Variants in COL4A5 observed in about 807,000 individuals in gnomAD.
COL4A5 encodes the protein collagen type IV alpha 5 chain.
A neutral mutation model predicts 130.2 loss-of-function variants in COL4A5; 26 were observed. The observed-to-expected ratio is 0.20, with a 90% CI of 0.15 to 0.28. COL4A5 has a LOEUF of 0.28. COL4A5 is among the 10% of genes least tolerant of loss of function. COL4A5 has a pLI of 1.00. For synonymous variants in COL4A5, 496 were observed against 439.6 expected (o/e 1.13, Z -1.60); for missense variants, 1,131 against 1,344.3 (o/e 0.84, Z 2.48).
At chrX:108,553,203 A>C (rs1216072340) in intron 2 of COL4A5, among the ~76,000 whole-genome samples, 2 of 111,752 alleles carry the variant, frequency 1.8e-5, no homozygotes, top group Admixed American at 9.6e-5. Flanking sequence ...TGATATCAAA[A>C]ACACGATCCA....
In COL4A5 at chrX:108,614,918, T is replaced by C. The variant is rs747235110; in HGVS notation, c.2403T>C (p.Val801=). The C allele has an allele frequency of 3.3e-6, 4 of 1,202,332 alleles. No homozygotes were observed. The Admixed American group carries it at 8.7e-5, about 26-fold the overall frequency. Residue 801 remains valine, a synonymous_variant, in exon 30 of 53, where the codon GTT becomes GTC. Transcript: ENST00000328300. The part of the protein sequence containing the change: ...LDGLPGPKGD[V]GPNGQPGPMG... ...TGTATTTATTTCTTAAAGGTGATGT[T>C]GGACCAAATGGACAACCTGGACCAA...
intron 6 of COL4A5, among the ~76,000 whole-genome samples, chrX:108,569,923 G>A (rs749699039): frequency 5.4e-5 from 6 of 110,925 alleles, no homozygotes; most frequent in Admixed American, 1.9e-4. Flanking sequence ...CTCTTGATCC[G>A]CCTGCCTCAG....
intron 1 of COL4A5, among the ~76,000 whole-genome samples, chrX:108,521,368 TAA>T (rs2065263543): frequency 9.0e-6 from 1 of 111,206 alleles, no homozygotes; most frequent in Non-Finnish European, 1.9e-5. Context: ...GGATCTGTTA[TAA>T]TGAATAACTC....
At chrX:108,642,443 G>T (rs1424185909) in intron 36 of COL4A5, among the ~76,000 whole-genome samples, 1 of 111,176 alleles carries the variant, frequency 9.0e-6, no homozygotes, top group Non-Finnish European at 1.9e-5. Flanking sequence ...CCCCAAAATA[G>T]AGCATTAAAC....
At chrX:108,614,804 G>T in intron 29 of COL4A5, 107 bp from the exon 30 acceptor site, 2 of 558,549 alleles carry the variant, frequency 3.6e-6, no homozygotes, top group East Asian at 3.5e-5. Flanking sequence ...TTTTCTTGCT[G>T]AATGAATGCC....
chrX:108,560,386 T>C (rs1439608080), intron 3 of COL4A5, among the ~76,000 whole-genome samples: 2 of 112,729 alleles, frequency 1.8e-5, no homozygotes, highest in Non-Finnish European at 3.7e-5. Flanking sequence ...CTAAGGGCTA[T>C]ATGGTTAGCT....
At chrX:108,478,765 G>A (rs2064861006) in intron 1 of COL4A5, among the ~76,000 whole-genome samples, 1 of 111,947 alleles carries the variant, frequency 8.9e-6, no homozygotes, top group Non-Finnish European at 1.9e-5. Context: ...GTGAGTCCAA[G>A]GATCGTAGTC....
intron 21 of COL4A5, among the ~76,000 whole-genome samples, chrX:108,592,833 C>G (rs1242661812): frequency 9.2e-6 from 1 of 109,009 alleles, no homozygotes; most frequent in Non-Finnish European, 1.9e-5. Context: ...ATTTTCAGGA[C>G]CCTGGAAGAC....
chrX:108,584,370 G>A, intron 17 of COL4A5, 114 bp from the exon 18 acceptor site: 1 of 620,400 alleles, frequency 1.6e-6, no homozygotes, highest in Non-Finnish European at 2.6e-6. Context: ...TTTCTCATTT[G>A]AGGTATTTTA....
intron 37 of COL4A5, among the ~76,000 whole-genome samples, chrX:108,656,926 T>C (rs190867247): frequency 8.6e-4 from 96 of 111,639 alleles, no homozygotes; most frequent in African/African-American, 3.0e-3. Flanking sequence ...CAGATACATA[T>C]ATTGCAAATC....
At chrX:108,591,723 C>T (rs1193654717) in intron 21 of COL4A5, 79 bp downstream of exon 21, 2 of 782,187 alleles carry the variant, frequency 2.6e-6, no homozygotes, top group African/African-American at 4.1e-5. Flanking sequence ...TATCCTCCAT[C>T]ACACCTTAGC....
intron 2 of COL4A5, among the ~76,000 whole-genome samples, chrX:108,552,060 G>T (rs1252041541): frequency 9.0e-6 from 1 of 111,345 alleles, no homozygotes; most frequent in Non-Finnish European, 1.9e-5. Flanking sequence ...CTACTAGTGG[G>T]GGAAGATGTT....
chrX:108,646,476 A>T (rs2067592141), intron 36 of COL4A5, among the ~76,000 whole-genome samples: 1 of 111,261 alleles, frequency 9.0e-6, no homozygotes, highest in Non-Finnish European at 1.9e-5. Context: ...GATTCTGGAT[A>T]TTAGCCCTTT....
chrX:108,550,078 G>A lies in COL4A5; in HGVS notation c.142-8986G>A, dbSNP rs1457482773. 8.1e-5 allele frequency among the ~76,000 whole-genome samples: 9 copies of A among 111,736 alleles called. No individual in the cohort carries two copies. In the Admixed American group the frequency reaches 8.6e-4, roughly 11 times the overall value. ...AATTCCTGTTCCAGAAGAGTTTACTGATGAATTCTATGAAACATTTTTGCA... is the reference window on the plus strand; with the variant it reads ...AATTCCTGTTCCAGAAGAGTTTACTAATGAATTCTATGAAACATTTTTGCA... On this transcript the variant is annotated intron_variant, in intron 2 of 52. Transcript: ENST00000328300.
intron 25 of COL4A5, among the ~76,000 whole-genome samples, chrX:108,600,642 TTAGATAGATAGATAGATAGA>T (rs138215716): frequency 2.1e-4 from 20 of 96,776 alleles, no homozygotes; most frequent in South Asian, 1.7e-3. Flanking sequence ...GATGGGTAGA[TTAGATAGATAGATAGATAGA>T]TAGATAGATA....
intron 36 of COL4A5, among the ~76,000 whole-genome samples, chrX:108,632,118 C>T (rs944218547): frequency 1.8e-5 from 2 of 110,540 alleles, no homozygotes; most frequent in African/African-American, 6.6e-5. Context: ...AGAATCAAAT[C>T]GACAAAATAA....
At chrX:108,660,191 T>G (rs1056936527) in intron 37 of COL4A5, among the ~76,000 whole-genome samples, 2 of 112,351 alleles carry the variant, frequency 1.8e-5, no homozygotes, top group Middle Eastern at 9.3e-3. Context: ...GTGATTGTGT[T>G]TATATATTTC....
At chrX:108,601,816 C>A in intron 26 of COL4A5, 69 bp from the exon 27 acceptor site, 1 of 636,550 alleles carries the variant, frequency 1.6e-6, no homozygotes, top group Non-Finnish European at 2.6e-6. Flanking sequence ...AAGAGTGAGC[C>A]ACTGCACCTG....
chrX:108,598,288 T>G (rs908818149), intron 24 of COL4A5, among the ~76,000 whole-genome samples: 2 of 112,061 alleles, frequency 1.8e-5, no homozygotes, highest in Admixed American at 9.5e-5. Context: ...TACAAGTAGA[T>G]AGCCATGTTC....
Sources: gnomAD v4.1 joint callset for allele counts (sites outside exome capture counted in the v4.1 genomes callset) on GRCh38, gnomAD v4.1.1 for gene constraint, MANE v1.5 for transcripts, NCBI Gene and HGNC (gene_info 2026-07-23, HGNC 2026-07-21) for gene names.